ASAH1: variants seen among roughly 807,000 people sequenced by gnomAD.
ASAH1 encodes the protein N-acylsphingosine amidohydrolase 1, also known as acid ceramidase.
ASAH1 carries 70 observed loss-of-function variants against 59.5 expected under a neutral mutation model. The ratio of observed to expected loss-of-function variants is 1.18; its 90% CI spans 0.97 to 1.43. The LOEUF is 1.43. Among genes scored for constraint, ASAH1 ranks in the 40% most tolerant of loss-of-function variants. ASAH1 has a pLI of 0.00. For missense variants in ASAH1, 660 were observed against 482.5 expected (o/e 1.37, Z -3.45); for synonymous variants, 213 against 166.5 (o/e 1.28, Z -2.15).
chr8:18,070,050 G>C (rs1055510856), intron 3 of ASAH1, among the ~76,000 whole-genome samples, 172 bp from the exon 4 acceptor site: 3 of 151,848 alleles, frequency 2.0e-5, no homozygotes, highest in Non-Finnish European at 2.9e-5. Flanking sequence ...GCACCATCTC[G>C]GCTCACTGCA....
In ASAH1 at chr8:18,057,567, C is replaced by A; in HGVS notation, c.1155G>T (p.Leu385=). 1 of 1,604,466 alleles carries A rather than the reference C, an allele frequency of 6.2e-7. No homozygotes were observed. Among genetic ancestry groups the A allele is most frequent in the Non-Finnish European group, 8.5e-7 (1 of 1,173,684 alleles). ...DVTKGQFETY[L]RDCPDPCIGW is the part of the protein sequence containing the mutation. ...CTATACAAGGGTCAGGGCAGTCCCG[C>A]AGGTAAGTTTCGAATTGACCTTTGG... The change falls in exon 14 of 14, where the codon CTG becomes CTT. Residue 385 remains leucine, a synonymous_variant. Transcript: ENST00000637790.
In ASAH1 at chr8:18,061,899, G is replaced by A. The variant is rs994026259; in HGVS notation, c.649-159C>T. Reference sequence around the variant, plus strand: ...TAAAAGGCTTTTTAAAAAGTTCAAAGCATTTTTGATTCTAGTATGTGAGAT... The same window carrying A: ...TAAAAGGCTTTTTAAAAAGTTCAAAACATTTTTGATTCTAGTATGTGAGAT... On this transcript the variant is annotated intron_variant, in intron 8 of 13. Coordinates refer to ENST00000637790, the MANE Select transcript of ASAH1 (RefSeq NM_177924.5). The A allele has an allele frequency of 5.2e-6, 4 of 771,906 alleles. No homozygotes were observed. In the African/African-American group the frequency reaches 7.0e-5, roughly 13 times the overall value. The allele number at this position is 771,906 out of a possible 1,614,324, so 47.8% of individuals were successfully genotyped here.
intron 8 of ASAH1, 130 bp downstream of exon 8, chr8:18,062,149 A>C: frequency 8.0e-7 from 1 of 1,253,284 alleles, no homozygotes; most frequent in Non-Finnish European, 1.1e-6. Context: ...ATGAAGTGAC[A>C]AGAAGTACAA....
chr8:18,084,773 TTCTC>T, upstream of ASAH1: 1 of 1,613,648 alleles, frequency 6.2e-7, no homozygotes, highest in Non-Finnish European at 8.5e-7. Context: ...CCCGCGAGCT[TTCTC>T]TCCCAGCCCG....
upstream of ASAH1, chr8:18,084,789 T>G: frequency 6.2e-7 from 1 of 1,613,598 alleles, no homozygotes; most frequent in Non-Finnish European, 8.5e-7. Context: ...CCCAGCCCGA[T>G]GCAGCAGTTC....
At chr8:18,059,522 T>C in intron 11 of ASAH1, 50 bp downstream of exon 11, 1 of 1,614,116 alleles carries the variant, frequency 6.2e-7, no homozygotes, top group Non-Finnish European at 8.5e-7. Flanking sequence ...TCAAAGTATA[T>C]CAGTGTATGC....
intron 1 of ASAH1, among the ~76,000 whole-genome samples, chr8:18,080,926 C>T (rs949119216): frequency 3.3e-5 from 5 of 152,140 alleles, no homozygotes; most frequent in African/African-American, 1.2e-4. Context: ...TTAGCCTTTG[C>T]CTAGTTCTCT....
chr8:18,068,919 G>A (rs532264703), intron 4 of ASAH1, among the ~76,000 whole-genome samples: 1 of 152,210 alleles, frequency 6.6e-6, no homozygotes, highest in South Asian at 2.1e-4. Flanking sequence ...CGGGAAGATC[G>A]CCTGAGCCCA....
chr8:18,059,000 C>T, intron 12 of ASAH1, 109 bp from the exon 13 acceptor site: 1 of 988,110 alleles, frequency 1.0e-6, no homozygotes, highest in Non-Finnish European at 1.6e-6. Context: ...TCAACCTCCC[C>T]TCCATCCCCG....
intron 6 of ASAH1, chr8:18,064,123 A>G: frequency 2.1e-6 from 1 of 486,640 alleles, no homozygotes; most frequent in South Asian, 3.2e-5. Context: ...CATGACATAC[A>G]CGAAGATAAG....
intron 7 of ASAH1, chr8:18,062,952 C>T: frequency 2.1e-6 from 1 of 474,202 alleles, no homozygotes; most frequent in Non-Finnish European, 3.8e-6. Flanking sequence ...CTCACTGCAA[C>T]CTCCGCCTCG....
chr8:18,083,366 C>T (rs959742461), intron 1 of ASAH1: 3 of 153,934 alleles, frequency 1.9e-5, no homozygotes, highest in Admixed American at 6.4e-5. Flanking sequence ...GAGTCACGCT[C>T]GTCCCTCACT....
At chr8:18,065,387 A>C (rs1466513679) in intron 5 of ASAH1, 1 of 152,120 alleles carries the variant, frequency 6.6e-6, no homozygotes, top group Non-Finnish European at 1.5e-5. Flanking sequence ...TTTTTTAAAG[A>C]AGCAGCACAC....
intron 1 of ASAH1, among the ~76,000 whole-genome samples, chr8:18,079,847 T>C (rs1800579187): frequency 6.6e-6 from 1 of 152,250 alleles, no homozygotes; most frequent in African/African-American, 2.4e-5. Context: ...GCATGTTTCC[T>C]ACGTGTACAA....
At chr8:18,062,657 G>C in intron 7 of ASAH1, 1 of 543,388 alleles carries the variant, frequency 1.8e-6, no homozygotes, top group Non-Finnish European at 3.3e-6. Context: ...GTGAGCCTCA[G>C]ATTCAAACAT....
intron 10 of ASAH1, 126 bp downstream of exon 10, chr8:18,061,251 A>G: frequency 1.3e-6 from 1 of 765,226 alleles, no homozygotes. Flanking sequence ...TGAGTGTCAG[A>G]GGTTCACCTA....
At chr8:18,067,052 G>T in intron 5 of ASAH1, 168 bp downstream of exon 5, 2 of 483,188 alleles carry the variant, frequency 4.1e-6, no homozygotes, top group Non-Finnish European at 3.7e-6. Flanking sequence ...ATGGCTACAT[G>T]CATGCATGCA....
rs766010715 is a variant in ASAH1, at chr8:18,083,972, C to G, written c.78+9G>C. 1 of 1,597,486 alleles carries G rather than the reference C, an allele frequency of 6.3e-7. No homozygotes were observed. The stretch of plus-strand genomic sequence containing the variant: ...GCCCCTCTCTGCGCCTCGGCTCAAG[C>G]TCACTCACCGGCGGCGCGTGCTGCG... On this transcript the variant is annotated intron_variant, in intron 1 of 13. Transcript: ENST00000637790.
intron 5 of ASAH1, 75 bp downstream of exon 5, chr8:18,067,145 G>GACATACAGCACCTGTGCTGTATC: frequency 1.4e-6 from 1 of 703,868 alleles, no homozygotes; most frequent in Non-Finnish European, 2.2e-6. Flanking sequence ...TGTGCTGTAT[G>GACATACAGCACCTGTGCTGTATC]TATATCACAC....
Sources: gnomAD v4.1 joint callset for allele counts (sites outside exome capture counted in the v4.1 genomes callset) on GRCh38, gnomAD v4.1.1 for gene constraint, MANE v1.5 for transcripts, NCBI Gene and HGNC (gene_info 2026-07-23, HGNC 2026-07-21) for gene names.